The following POT1 variants were observed in gnomAD, a reference collection of about 807,000 sequenced individuals.
POT1 encodes the protein protection of telomeres 1.
POT1 carries 47 observed loss-of-function variants against 78.5 expected under a neutral mutation model. The ratio of observed to expected loss-of-function variants is 0.60; its 90% CI spans 0.47 to 0.76. POT1 has a LOEUF of 0.76. Ranked by LOEUF, POT1 falls within the 30% of genes least tolerant of loss-of-function variation. The pLI is 0.00. For synonymous variants in POT1, 259 were observed against 260.7 expected, an observed-to-expected ratio of 0.99 and a Z score of 0.06; for missense variants, 646 against 749.9, an observed-to-expected ratio of 0.86 and a Z score of 1.62.
At chr7:124,851,156 C>T in intron 11 of POT1, among the ~76,000 whole-genome samples, 1 of 151,982 alleles carries the variant, frequency 6.6e-6, no homozygotes, top group East Asian at 1.9e-4. Flanking sequence ...AAAAGCCAGG[C>T]ATGTTGGCAT....
intron 6 of POT1, among the ~76,000 whole-genome samples, chr7:124,878,914 TAGAGA>T (rs989126203): frequency 1.3e-5 from 2 of 151,604 alleles, no homozygotes; most frequent in Non-Finnish European, 2.9e-5. Flanking sequence ...GACAGAAGAC[TAGAGA>T]AGAAAGTAAA....
intron 7 of POT1, among the ~76,000 whole-genome samples, chr7:124,864,885 A>AT (rs1304264620): frequency 1.3e-5 from 2 of 152,058 alleles, no homozygotes; most frequent in African/African-American, 2.4e-5. Context: ...CGTATTTGCT[A>AT]TTTTTTTCCA....
rs1436069277 is a variant in POT1 at position 124,846,992 on chromosome 7, C to CCA, written c.954_955dup (p.Gly319ValfsTer9). ...TTCTACCTCGTATAATGATACTGAT[C>CCA]CAGAGCCTATAAAAAGGAAAAGGCA... On this transcript the variant is annotated frameshift_variant, in exon 12 of 19. Coordinates refer to ENST00000357628, the MANE Select transcript of POT1 (RefSeq NM_015450.3). LOFTEE classifies it high-confidence loss of function. 3 of 1,603,566 alleles carry CCA rather than the reference C, an allele frequency of 1.9e-6. No individual in the cohort carries two copies. The highest frequency in any genetic ancestry group is 2.6e-6 in the Non-Finnish European group (3 of 1,171,166).
At chr7:124,846,080 G>A (rs1795155914) in intron 12 of POT1, among the ~76,000 whole-genome samples, 1 of 151,990 alleles carries the variant, frequency 6.6e-6, no homozygotes, top group Non-Finnish European at 1.5e-5. Flanking sequence ...CACCAGGTGT[G>A]CTTATGGCAA....
At chr7:124,896,480 C>G (rs1796494161) in intron 5 of POT1, among the ~76,000 whole-genome samples, 1 of 151,736 alleles carries the variant, frequency 6.6e-6, no homozygotes, top group South Asian at 2.1e-4. Flanking sequence ...AATTTAGTAA[C>G]TGTGTCCTAC....
chr7:124,852,000 TAGTAAATTTAGC>T, intron 10 of POT1, 49 bp from the exon 11 acceptor site: 1 of 1,294,636 alleles, frequency 7.7e-7, no homozygotes, highest in Non-Finnish European at 1.1e-6. Flanking sequence ...AAAGTCAATA[TAGTAAATTTAGC>T]TCTACCCACA....
intron 2 of POT1, among the ~76,000 whole-genome samples, chr7:124,917,563 C>CGT (rs1473538932): frequency 6.6e-6 from 1 of 152,096 alleles, no homozygotes; most frequent in Non-Finnish European, 1.5e-5. Context: ...CTCCACAAGA[C>CGT]GTACAGCTTT....
rs1034797318 is a variant in POT1, at chr7:124,846,931, C to T, written c.1006+11G>A. The T allele has an allele frequency of 3.2e-6, 5 of 1,557,956 alleles. No individual in the cohort carries two copies. The highest frequency in any genetic ancestry group is 4.4e-6 in the Non-Finnish European group (5 of 1,129,556). On this transcript the variant is annotated intron_variant, in intron 12 of 18. Transcript: ENST00000357628. ...TACTGTGCCCATCTCAAAAATGATA[C>T]ATAGTCTTACTTGTAGCAGATAGCT...
intron 6 of POT1, among the ~76,000 whole-genome samples, chr7:124,891,952 C>G (rs551249046): frequency 1.9e-4 from 29 of 151,666 alleles, no homozygotes; most frequent in Admixed American, 9.2e-4. Context: ...ATCAATGTTA[C>G]AGAATTGCAG....
At chr7:124,854,850 T>C (rs552652648) in intron 9 of POT1, among the ~76,000 whole-genome samples, 1 of 152,008 alleles carries the variant, frequency 6.6e-6, no homozygotes, top group East Asian at 1.9e-4. Context: ...TGTGATTCTT[T>C]TAAAATATGT....
At chr7:124,892,531 G>A in intron 5 of POT1, 151 bp from the exon 6 acceptor site, 1 of 437,360 alleles carries the variant, frequency 2.3e-6, no homozygotes, top group Admixed American at 4.4e-5. Flanking sequence ...AATGCACACA[G>A]CTTAGCTTAT....
chr7:124,896,529 A>G (rs973377653), intron 5 of POT1, among the ~76,000 whole-genome samples: 1 of 151,614 alleles, frequency 6.6e-6, no homozygotes, highest in African/African-American at 2.4e-5. Flanking sequence ...AATTCTGTCC[A>G]TTTGAAACTA....
intron 6 of POT1, among the ~76,000 whole-genome samples, chr7:124,871,445 C>T (rs1795865374): frequency 6.6e-6 from 1 of 151,982 alleles, no homozygotes; most frequent in Non-Finnish European, 1.5e-5. Flanking sequence ...TGAAGAGTTG[C>T]ATCCATACTG....
At chr7:124,894,048 T>G (rs756076723) in intron 5 of POT1, among the ~76,000 whole-genome samples, 3 of 151,588 alleles carry the variant, frequency 2.0e-5, no homozygotes, top group Non-Finnish European at 4.4e-5. Flanking sequence ...AGGACATGTT[T>G]GCATATTAAC....
At chr7:124,837,876 G>A (rs1794934297) in intron 14 of POT1, among the ~76,000 whole-genome samples, 1 of 152,058 alleles carries the variant, frequency 6.6e-6, no homozygotes, top group Non-Finnish European at 1.5e-5. Context: ...TTTATTTTAG[G>A]TAGGCAAGGC....
At chr7:124,910,630 C>A (rs945225501) in intron 3 of POT1, among the ~76,000 whole-genome samples, 1 of 151,732 alleles carries the variant, frequency 6.6e-6, no homozygotes, top group African/African-American at 2.4e-5. Flanking sequence ...TAAATATAGA[C>A]CTTATTTGCT....
At chr7:124,925,894 G>A (rs919678084) in intron 2 of POT1, among the ~76,000 whole-genome samples, 3 of 152,202 alleles carry the variant, frequency 2.0e-5, no homozygotes, top group Middle Eastern at 3.4e-3. Flanking sequence ...CTGGGAAAAC[G>A]GGATTGCCAC....
intron 6 of POT1, among the ~76,000 whole-genome samples, chr7:124,890,107 T>C (rs1044063458): frequency 2.0e-5 from 3 of 151,958 alleles, no homozygotes; most frequent in African/African-American, 4.8e-5. Context: ...GCATGATTCA[T>C]GTGAGGTCAA....
chr7:124,885,119 A>G (rs937092945), intron 6 of POT1, among the ~76,000 whole-genome samples: 1 of 152,070 alleles, frequency 6.6e-6, no homozygotes, highest in Non-Finnish European at 1.5e-5. Context: ...TTGTTTTCCT[A>G]TATGAAAGAA....
Sources: allele counts gnomAD v4.1 joint callset (sites outside exome capture counted in the v4.1 genomes callset), GRCh38; gene constraint gnomAD v4.1.1; transcripts MANE v1.5; gene names NCBI Gene and HGNC (gene_info 2026-07-23, HGNC 2026-07-21).